Variants in MLLT3 observed in about 807,000 individuals in gnomAD.
The protein encoded by MLLT3 is protein AF-9.
In MLLT3, 4 loss-of-function variants were observed where a neutral mutation model predicts 53.2. That is an observed-to-expected ratio of 0.08 (90% CI 0.04 to 0.17). MLLT3 has a LOEUF of 0.17. Ranked by LOEUF, MLLT3 falls within the 10% of genes least tolerant of loss-of-function variation. The pLI is 1.00. For synonymous variants in MLLT3, 283 were observed against 230.6 expected, an observed-to-expected ratio of 1.23 and a Z score of -2.06; for missense variants, 569 against 684.0, an observed-to-expected ratio of 0.83 and a Z score of 1.87.
intron 5 of MLLT3, among the ~76,000 whole-genome samples, chr9:20,378,281 G>T (rs2118688492): frequency 6.6e-6 from 1 of 152,106 alleles, no homozygotes; most frequent in East Asian, 1.9e-4. Context: ...TACCAACTCT[G>T]TAAGTTTTAA....
At position 20,620,882 on chromosome 9, in the gene MLLT3, G is replaced by T. The variant is rs768785666; in HGVS notation, c.13-48C>A. ...CAGCCGTGAATAACAGGAAGGCGAG[G>T]TTTCGGCAGTGAACGTTGCGCCTGA... On this transcript the variant is annotated intron_variant, in intron 1 of 10. Transcript: ENST00000380338. The surrounding 1 kb of genome is among the most constrained non-coding windows in gnomAD (Gnocchi z 6.1). 3 of 1,594,310 alleles carry T rather than the reference G, an allele frequency of 1.9e-6. No homozygotes were observed. Among genetic ancestry groups the T allele is most frequent in the Non-Finnish European group, 2.6e-6 (3 of 1,164,804 alleles).
At chr9:20,473,882 G>C (rs1238865016) in intron 2 of MLLT3, among the ~76,000 whole-genome samples, 1 of 152,048 alleles carries the variant, frequency 6.6e-6, no homozygotes, top group Non-Finnish European at 1.5e-5. Context: ...AATTACTACT[G>C]TACTTTCTAG....
chr9:20,501,447 G>A (rs1447771163), intron 2 of MLLT3, among the ~76,000 whole-genome samples: 1 of 152,066 alleles, frequency 6.6e-6, no homozygotes, highest in Middle Eastern at 3.2e-3. Context: ...TAAGACCTAG[G>A]AGACTCAGTT....
rs534178822 is a variant in MLLT3, at chr9:20,459,518, A to C, written c.194-2732T>G. ...AGCCCCTTTTCAGAACAGCAATTTCAGTGTCAGGTTGCTTGGGATTAATCA... is the reference window on the plus strand; with the variant it reads ...AGCCCCTTTTCAGAACAGCAATTTCCGTGTCAGGTTGCTTGGGATTAATCA... On this transcript the variant is annotated intron_variant, in intron 2 of 10. Coordinates refer to ENST00000380338, the MANE Select transcript of MLLT3 (RefSeq NM_004529.4). Among the ~76,000 whole-genome samples the C allele has an allele frequency of 7.9e-5, 12 of 152,336 alleles. No individual in the cohort carries two copies. The South Asian group carries it at 2.5e-3, about 32-fold the overall frequency.
intron 2 of MLLT3, among the ~76,000 whole-genome samples, chr9:20,511,920 A>G (rs1817760387): frequency 6.6e-6 from 1 of 152,184 alleles, no homozygotes; most frequent in Non-Finnish European, 1.5e-5. Flanking sequence ...TGTGGAGCAG[A>G]GAGCAGCCTC....
intron 4 of MLLT3, among the ~76,000 whole-genome samples, chr9:20,433,958 CAA>C (rs773196575): frequency 1.5e-5 from 2 of 133,844 alleles, no homozygotes. Context: ...ACTAAAAATA[CAA>C]AAAAAAAAAA....
chr9:20,417,321 G>A (rs1035906280), intron 4 of MLLT3, among the ~76,000 whole-genome samples: 12 of 147,052 alleles, frequency 8.2e-5, no homozygotes, highest in African/African-American at 1.2e-4. Flanking sequence ...AAAAGCTTTC[G>A]CTGATTTTCA....
In MLLT3 at chr9:20,505,499, A is replaced by G. The variant is rs117958117; in HGVS notation, c.194-48713T>C. 4.5e-4 allele frequency among the ~76,000 whole-genome samples: 69 copies of G among 152,382 alleles called. No homozygotes were observed. The East Asian group carries it at 0.013, about 29-fold the overall frequency. ...AAAATGAATAACAGAATAAAAATGG[A>G]ATCTGTACAAAGTACACATATGTAA... is the stretch of plus-strand genomic sequence containing the variant. On this transcript the variant is annotated intron_variant, in intron 2 of 10. Coordinates refer to ENST00000380338, the MANE Select transcript of MLLT3 (RefSeq NM_004529.4).
chr9:20,432,704 C>A (rs1823305071), intron 4 of MLLT3, among the ~76,000 whole-genome samples: 1 of 151,952 alleles, frequency 6.6e-6, no homozygotes. Flanking sequence ...TTTAAAAGTG[C>A]AAAATCAAAA....
At chr9:20,482,241 G>C (rs10811350) in intron 2 of MLLT3, among the ~76,000 whole-genome samples, 111,485 of 152,082 alleles carry the variant, frequency 0.73, 41,063 homozygotes, top group Middle Eastern at 0.86. Context: ...CATTCTAAAA[G>C]TCCACAGACC....
Position 20,345,767 on chromosome 9 carries a change from C to G in MLLT3, c.*676G>C, listed in dbSNP as rs1820849948. 1.8e-5 allele frequency: 4 copies of G among 220,894 alleles called. No individual in the cohort carries two copies. The highest frequency in any genetic ancestry group is 2.7e-5 in the Non-Finnish European group (3 of 110,044). 13.7% of individuals were successfully genotyped at this position (220,894 alleles called of 1,614,324 possible). Reference sequence around the variant, plus strand: ...TGGGCCCCAACTTTCAGGAAAAAGACCACAAAGAAGAAAATCAAGGTGGCT... The same window carrying G: ...TGGGCCCCAACTTTCAGGAAAAAGAGCACAAAGAAGAAAATCAAGGTGGCT... On this transcript the variant is annotated 3_prime_UTR_variant, in exon 11 of 11. Coordinates refer to ENST00000380338, the MANE Select transcript of MLLT3 (RefSeq NM_004529.4).
intron 2 of MLLT3, among the ~76,000 whole-genome samples, chr9:20,516,076 CCAT>C (rs1028653713): frequency 1.6e-4 from 24 of 152,128 alleles, no homozygotes; most frequent in African/African-American, 5.8e-4. Context: ...TAGATGTCAG[CCAT>C]AAACCCCAGA....
intron 2 of MLLT3, among the ~76,000 whole-genome samples, chr9:20,576,880 C>A (rs573461752): frequency 2.0e-5 from 3 of 152,222 alleles, no homozygotes; most frequent in South Asian, 4.1e-4. Flanking sequence ...GTGGCACATG[C>A]CTGTAGTCCC....
At chr9:20,579,994 G>C (rs1196787542) in intron 2 of MLLT3, among the ~76,000 whole-genome samples, 2 of 152,184 alleles carry the variant, frequency 1.3e-5, no homozygotes, top group African/African-American at 4.8e-5. Flanking sequence ...ATAGGGAGCA[G>C]TGAGGTCCTA....
At chr9:20,405,318 C>G (rs1335754627) in intron 5 of MLLT3, among the ~76,000 whole-genome samples, 3 of 152,202 alleles carry the variant, frequency 2.0e-5, no homozygotes, top group African/African-American at 7.2e-5. Flanking sequence ...TTATTTCTTA[C>G]TCTTCCCTTT....
chr9:20,503,233 C>T (rs2118945876), intron 2 of MLLT3, among the ~76,000 whole-genome samples: 1 of 152,252 alleles, frequency 6.6e-6, no homozygotes, highest in South Asian at 2.1e-4. Flanking sequence ...CCCCAAATAT[C>T]TGAAGTAATC....
chr9:20,619,158 T>C (rs1820920906), intron 2 of MLLT3, among the ~76,000 whole-genome samples: 1 of 152,184 alleles, frequency 6.6e-6, no homozygotes, highest in Non-Finnish European at 1.5e-5. Flanking sequence ...TTGGAGGAAA[T>C]ATGAAATATA....
At chr9:20,590,664 CT>C (rs1563833631) in intron 2 of MLLT3, among the ~76,000 whole-genome samples, 1 of 152,190 alleles carries the variant, frequency 6.6e-6, no homozygotes, top group South Asian at 2.1e-4. Flanking sequence ...AATTAAACCT[CT>C]TTTCTTTATA....
chr9:20,366,562 T>A (rs1821457905), intron 5 of MLLT3, among the ~76,000 whole-genome samples: 1 of 152,250 alleles, frequency 6.6e-6, no homozygotes. Context: ...ATATACCCCA[T>A]AATGTGATTG....
Sources: allele counts gnomAD v4.1 joint callset (sites outside exome capture counted in the v4.1 genomes callset), GRCh38; gene constraint gnomAD v4.1.1; non-coding constraint Gnocchi (gnomAD v3.1); transcripts MANE v1.5; gene names NCBI Gene and HGNC (gene_info 2026-07-23, HGNC 2026-07-21).